Variants in DAB1 observed in about 807,000 individuals in gnomAD.
The protein encoded by DAB1 is DAB adaptor protein 1.
A neutral mutation model predicts 64.6 loss-of-function variants in DAB1; 15 were observed. The observed-to-expected ratio is 0.23, with a 90% CI of 0.16 to 0.36. DAB1 has a LOEUF of 0.36. Among genes scored for constraint, DAB1 ranks in the 10% least tolerant of loss-of-function variants. DAB1 has a pLI of 1.00. For synonymous variants in DAB1, 235 were observed against 251.9 expected, an observed-to-expected ratio of 0.93 and a Z score of 0.64; for missense variants, 596 against 706.7, an observed-to-expected ratio of 0.84 and a Z score of 1.78.
chr1:58,131,827 AGCT>A (rs1468509506), intron 5 of DAB1, among the ~76,000 whole-genome samples: 1 of 149,892 alleles, frequency 6.7e-6, no homozygotes, highest in Non-Finnish European at 1.5e-5. Context: ...TCAGATCTCC[AGCT>A]GCTTGCTGGG....
chr1:57,057,815 A>G lies in DAB1; in HGVS notation c.723+5069T>C, dbSNP rs557130542. Among the ~76,000 whole-genome samples the G allele has an allele frequency of 1.7e-3, 262 of 151,766 alleles. 6 individuals are homozygous for G. The East Asian group carries it at 0.032, about 19-fold the overall frequency. ...AGTAGAGACGGGGTTTCACTGTATT[A>G]GCCAGGATGGTCTCGATCTCCTGAC... is the stretch of plus-strand genomic sequence containing the variant. On this transcript the variant is annotated intron_variant, in intron 9 of 14. Transcript: ENST00000371236.
rs935114804 is a variant in DAB1, at chr1:57,320,160, G to A, written c.-136-28994C>T. ...TTGTGTCAAGGGAAGGACCTAGTGG[G>A]AGAGGACTGTATTATGGGGGGTGCC... On this transcript the variant is annotated intron_variant, in intron 1 of 14. Transcript: ENST00000371236. Among the ~76,000 whole-genome samples the A allele has an allele frequency of 4.6e-5, 7 of 152,180 alleles. No homozygotes were observed. In the East Asian group the frequency reaches 1.3e-3, roughly 29 times the overall value.
chr1:58,497,891 G>A (rs1037568004), intron 3 of DAB1, among the ~76,000 whole-genome samples: 82 of 152,208 alleles, frequency 5.4e-4, no homozygotes, highest in Admixed American at 2.5e-3. Context: ...CCACCTCTTG[G>A]AGAATTATTC....
chr1:57,413,375 G>A (rs990793139), intron 1 of DAB1, among the ~76,000 whole-genome samples: 1 of 152,116 alleles, frequency 6.6e-6, no homozygotes, highest in Non-Finnish European at 1.5e-5. Flanking sequence ...CATTTCATAA[G>A]GCTATAGCTG....
At chr1:57,153,121 G>A (rs958782360) in intron 2 of DAB1, among the ~76,000 whole-genome samples, 1 of 152,152 alleles carries the variant, frequency 6.6e-6, no homozygotes, top group African/African-American at 2.4e-5. Context: ...TGCCTCCCGG[G>A]TTCGAGCGAT....
chr1:57,589,772 C>G (rs1286945746), intron 7 of DAB1, among the ~76,000 whole-genome samples: 4 of 151,868 alleles, frequency 2.6e-5, no homozygotes, highest in Non-Finnish European at 5.9e-5. Context: ...GAAAAAAAAG[C>G]AAAAGACTTA....
intron 5 of DAB1, among the ~76,000 whole-genome samples, chr1:57,939,173 T>C (rs879330169): frequency 1.3e-5 from 2 of 152,114 alleles, no homozygotes; most frequent in Non-Finnish European, 2.9e-5. Flanking sequence ...TTCTCTCATA[T>C]TCTCACATGG....
intron 4 of DAB1, among the ~76,000 whole-genome samples, chr1:57,122,188 CTG>C (rs1205375075): frequency 6.6e-6 from 1 of 152,166 alleles, no homozygotes; most frequent in African/African-American, 2.4e-5. Context: ...GCTTATCACA[CTG>C]TTGTGTAATT....
At chr1:57,724,788 T>C (rs183196784) in intron 6 of DAB1, among the ~76,000 whole-genome samples, 1 of 152,294 alleles carries the variant, frequency 6.6e-6, no homozygotes, top group East Asian at 1.9e-4. Context: ...CAAGCTTGCC[T>C]GCTTCCCTTA....
intron 4 of DAB1, among the ~76,000 whole-genome samples, chr1:57,126,222 A>T (rs771010339): frequency 6.6e-6 from 1 of 152,220 alleles, no homozygotes; most frequent in African/African-American, 2.4e-5. Flanking sequence ...AAGGTGTTAA[A>T]TTCATCTCAC....
chr1:57,513,753 C>T (rs745738867), intron 7 of DAB1, among the ~76,000 whole-genome samples: 2 of 152,204 alleles, frequency 1.3e-5, no homozygotes, highest in Non-Finnish European at 2.9e-5. Context: ...TTATTAACTA[C>T]AGCTACCATA....
At chr1:57,928,089 T>C (rs971496619) in intron 5 of DAB1, among the ~76,000 whole-genome samples, 2 of 152,224 alleles carry the variant, frequency 1.3e-5, no homozygotes, top group Admixed American at 6.5e-5. Flanking sequence ...GTAAAAGTTA[T>C]ATACAATGAA....
chr1:57,810,246 G>C (rs1267501016), intron 6 of DAB1, among the ~76,000 whole-genome samples: 2 of 152,156 alleles, frequency 1.3e-5, no homozygotes, highest in South Asian at 2.1e-4. Context: ...CATTAAGAAG[G>C]GGGGCTCCTT....
At chr1:58,494,627 T>G (rs1386956895) in intron 3 of DAB1, among the ~76,000 whole-genome samples, 5 of 152,074 alleles carry the variant, frequency 3.3e-5, no homozygotes, top group Admixed American at 6.6e-5. Context: ...CAGACACTTC[T>G]CAAAAGAAGA....
chr1:57,869,960 A>G (rs1044184489), intron 1 of DAB1, among the ~76,000 whole-genome samples: 4 of 152,050 alleles, frequency 2.6e-5, no homozygotes, highest in South Asian at 2.1e-4. Context: ...ATCTTTTTCA[A>G]TTAAGTTCTT....
intron 7 of DAB1, among the ~76,000 whole-genome samples, chr1:57,487,853 C>T (rs988972135): frequency 6.6e-6 from 1 of 152,198 alleles, no homozygotes. Flanking sequence ...CTTTTTAACG[C>T]TGACTAATAT....
At chr1:57,184,267 ATCTGATTCAGG>A (rs1345764994) in intron 2 of DAB1, among the ~76,000 whole-genome samples, 2 of 152,154 alleles carry the variant, frequency 1.3e-5, no homozygotes, top group East Asian at 3.9e-4. Context: ...AACTACAATA[ATCTGATTCAGG>A]TCAAAGTGTA....
At chr1:57,356,141 C>A (rs1558228681) in intron 1 of DAB1, among the ~76,000 whole-genome samples, 1 of 152,088 alleles carries the variant, frequency 6.6e-6, no homozygotes, top group African/African-American at 2.4e-5. Context: ...GTGTTTAGCA[C>A]ATAGTAGTCA....
chr1:57,406,444 C>T (rs1282812143), intron 1 of DAB1, among the ~76,000 whole-genome samples: 2 of 152,162 alleles, frequency 1.3e-5, no homozygotes, highest in Admixed American at 6.5e-5. Context: ...AAGTCTGTGG[C>T]TTTTATAGGG....
Sources: allele counts gnomAD v4.1 joint callset (sites outside exome capture counted in the v4.1 genomes callset), GRCh38; gene constraint gnomAD v4.1.1; transcripts MANE v1.5; gene names NCBI Gene and HGNC (gene_info 2026-07-23, HGNC 2026-07-21).